The following CAMK1D variants were observed in gnomAD, a reference collection of about 807,000 sequenced individuals.
CAMK1D encodes calcium/calmodulin-dependent protein kinase type 1D.
CAMK1D carries 9 observed loss-of-function variants against 47.7 expected under a neutral mutation model. The observed-to-expected ratio is 0.19, with a 90% CI of 0.11 to 0.33. The LOEUF (loss-of-function observed/expected upper bound fraction) is 0.33. CAMK1D is among the 10% of genes least tolerant of loss of function. The probability of loss-of-function intolerance (pLI) is 1.00; values close to 1 mark genes in which losing one functional copy is unlikely to be tolerated. For missense variants in CAMK1D, 291 were observed against 488.7 expected, an observed-to-expected ratio of 0.60 and a Z score of 3.81; for synonymous variants, 184 against 184.9, an observed-to-expected ratio of 0.99 and a Z score of 0.04.
chr10:12,773,559 C>T (rs189413419), intron 5 of CAMK1D, among the ~76,000 whole-genome samples: 2 of 152,164 alleles, frequency 1.3e-5, no homozygotes, highest in Admixed American at 6.5e-5. Context: ...TATTTTGAAT[C>T]CATGGATACA....
At chr10:12,508,319 C>T (rs1319324925) in intron 1 of CAMK1D, among the ~76,000 whole-genome samples, 1 of 152,204 alleles carries the variant, frequency 6.6e-6, no homozygotes, top group Non-Finnish European at 1.5e-5. Context: ...TATTATGCAA[C>T]CTTACAAAAA....
intron 2 of CAMK1D, among the ~76,000 whole-genome samples, chr10:12,560,551 C>T (rs530302143): frequency 5.2e-5 from 6 of 115,370 alleles, no homozygotes; most frequent in African/African-American, 2.1e-4. Flanking sequence ...AAAACTCTAT[C>T]TCGGAAAAAA....
intron 3 of CAMK1D, among the ~76,000 whole-genome samples, chr10:12,669,320 G>C (rs1431722352): frequency 6.6e-6 from 1 of 152,132 alleles, no homozygotes; most frequent in Non-Finnish European, 1.5e-5. Context: ...GAGGAATTAG[G>C]GTGGGATTAA....
intron 1 of CAMK1D, among the ~76,000 whole-genome samples, chr10:12,377,533 A>G (rs1273756046): frequency 6.6e-6 from 1 of 152,160 alleles, no homozygotes; most frequent in Non-Finnish European, 1.5e-5. Flanking sequence ...GCTCGCACTA[A>G]AATAATGATT....
chr10:12,705,716 C>T (rs745758149), intron 3 of CAMK1D, among the ~76,000 whole-genome samples: 1 of 152,164 alleles, frequency 6.6e-6, no homozygotes, highest in African/African-American at 2.4e-5. Context: ...TTCCATTGTT[C>T]GGCCTTCTTG....
At chr10:12,497,392 A>T (rs891914477) in intron 1 of CAMK1D, among the ~76,000 whole-genome samples, 2 of 149,962 alleles carry the variant, frequency 1.3e-5, no homozygotes, top group Non-Finnish European at 2.9e-5. Context: ...CAGGAGAATC[A>T]CTTGAACCTG....
chr10:12,541,513 G>A (rs904627940), intron 1 of CAMK1D, among the ~76,000 whole-genome samples: 5 of 152,024 alleles, frequency 3.3e-5, no homozygotes, highest in Admixed American at 6.5e-5. Context: ...ACAGGCGTGT[G>A]CCACCACGCC....
At position 12,349,814 on chromosome 10, in the gene CAMK1D, C is replaced by T. The variant is rs1403547038; in HGVS notation, c.-5C>T. 1.3e-5 allele frequency: 18 copies of T among 1,436,444 alleles called. No homozygotes were observed. The highest frequency in any genetic ancestry group is 1.6e-5 in the Non-Finnish European group (17 of 1,077,922). The allele number at this position is 1,436,444 out of a possible 1,614,324, so 89.0% of individuals were successfully genotyped here. ...GGCCGCTCCTCCGCGCCGCGCTCGT[C>T]GGCCATGGCCCGGGAGAACGGCGAG... On this transcript the variant is annotated 5_prime_UTR_variant, in exon 1 of 11. Transcript: ENST00000619168.
intron 2 of CAMK1D, among the ~76,000 whole-genome samples, chr10:12,593,210 C>T (rs529537389): frequency 7.9e-5 from 12 of 152,178 alleles, no homozygotes; most frequent in Admixed American, 1.3e-4. Context: ...TGTAGTTTAA[C>T]GAACCCGTTT....
intron 1 of CAMK1D, among the ~76,000 whole-genome samples, chr10:12,395,106 C>G (rs1260048480): frequency 7.6e-6 from 1 of 130,768 alleles, no homozygotes; most frequent in African/African-American, 2.9e-5. Context: ...GGGTCTCACT[C>G]TATTGCCCAG....
intron 10 of CAMK1D, among the ~76,000 whole-genome samples, chr10:12,826,837 G>A (rs910865740): frequency 6.6e-6 from 1 of 152,196 alleles, no homozygotes; most frequent in Non-Finnish European, 1.5e-5. Context: ...GGAACCCCAC[G>A]ATGGATCCCT....
chr10:12,748,671 G>A (rs1835792142), intron 3 of CAMK1D, among the ~76,000 whole-genome samples: 1 of 152,174 alleles, frequency 6.6e-6, no homozygotes, highest in Admixed American at 6.5e-5. Context: ...TGCCTGGAAA[G>A]CTCCTGCTGA....
At chr10:12,357,407 C>G (rs994752759) in intron 1 of CAMK1D, among the ~76,000 whole-genome samples, 1 of 152,226 alleles carries the variant, frequency 6.6e-6, no homozygotes, top group East Asian at 1.9e-4. Context: ...CCTCCGCCTC[C>G]CGGGTTCAAG....
intron 2 of CAMK1D, among the ~76,000 whole-genome samples, chr10:12,580,823 A>G (rs917704121): frequency 3.3e-5 from 5 of 152,192 alleles, no homozygotes; most frequent in African/African-American, 1.2e-4. Flanking sequence ...TGAACAACTG[A>G]CATCAGCTAA....
intron 1 of CAMK1D, among the ~76,000 whole-genome samples, chr10:12,504,112 T>A (rs923425524): frequency 1.4e-5 from 2 of 141,544 alleles, no homozygotes; most frequent in Non-Finnish European, 3.0e-5. Context: ...AAGATGGGTG[T>A]GTGTGTGTGT....
intron 10 of CAMK1D, 69 bp downstream of exon 10, chr10:12,825,759 G>GC: frequency 2.5e-6 from 4 of 1,608,714 alleles, no homozygotes; most frequent in Non-Finnish European, 3.4e-6. Flanking sequence ...AGAGGAGGGA[G>GC]CCGGCATCTG....
At chr10:12,797,952 C>T (rs1838264435) in intron 6 of CAMK1D, among the ~76,000 whole-genome samples, 1 of 152,146 alleles carries the variant, frequency 6.6e-6, no homozygotes, top group Non-Finnish European at 1.5e-5. Context: ...GGAAACTTCA[C>T]AAGCAGAGCA....
intron 1 of CAMK1D, among the ~76,000 whole-genome samples, chr10:12,503,784 G>A (rs553710277): frequency 2.0e-5 from 3 of 152,336 alleles, no homozygotes; most frequent in African/African-American, 4.8e-5. Context: ...GCAGGATAGT[G>A]TATAGGATGG....
intron 1 of CAMK1D, among the ~76,000 whole-genome samples, chr10:12,540,726 G>A (rs955721356): frequency 1.3e-5 from 2 of 152,180 alleles, no homozygotes; most frequent in African/African-American, 4.8e-5. Flanking sequence ...GGTTCTTGAA[G>A]CTATTATGCA....
Sources: gnomAD v4.1 joint callset for allele counts (sites outside exome capture counted in the v4.1 genomes callset) on GRCh38, gnomAD v4.1.1 for gene constraint, MANE v1.5 for transcripts, NCBI Gene and HGNC (gene_info 2026-07-23, HGNC 2026-07-21) for gene names.